SLC23A3: variants seen among roughly 807,000 people sequenced by gnomAD.
The protein encoded by SLC23A3 is solute carrier family 23 member 3.
In SLC23A3, 41 loss-of-function variants were observed where a neutral mutation model predicts 64.7. The observed-to-expected ratio is 0.63, with a 90% CI of 0.49 to 0.82. The LOEUF is 0.82. Among genes scored for constraint, SLC23A3 ranks in the 40% least tolerant of loss-of-function variants. SLC23A3 has a pLI of 0.00. For missense variants in SLC23A3, 647 were observed against 733.4 expected, an observed-to-expected ratio of 0.88 and a Z score of 1.36; for synonymous variants, 281 against 306.8, an observed-to-expected ratio of 0.92 and a Z score of 0.88.
chr2:219,163,326 G>A (rs1949968409), intron 10 of SLC23A3, 62 bp downstream of exon 10: 2 of 1,550,938 alleles, frequency 1.3e-6, no homozygotes, highest in Non-Finnish European at 1.8e-6. Context: ...CAGGAGTCCG[G>A]GCAGCCTGAA....
chr2:219,168,128 G>A, intron 6 of SLC23A3, 67 bp downstream of exon 6: 1 of 1,584,512 alleles, frequency 6.3e-7, no homozygotes, highest in Non-Finnish European at 8.6e-7. Context: ...CCAAAAGGTA[G>A]GGGATGGAGT....
chr2:219,164,093 C>T (rs1949978817), intron 9 of SLC23A3, 140 bp downstream of exon 9: 1 of 640,656 alleles, frequency 1.6e-6, no homozygotes, highest in East Asian at 2.8e-5. Context: ...GACACATGCT[C>T]ATATCCATCC....
In SLC23A3 at chr2:219,163,442, T is replaced by C. The variant is rs747541927; in HGVS notation, c.1387A>G (p.Met463Val). 1.9e-6 allele frequency: 3 copies of C among 1,614,096 alleles called. No homozygotes were observed. The highest frequency in any genetic ancestry group is 1.1e-5 in the South Asian group (1 of 91,080). The change falls in exon 10 of 12, where the codon ATG becomes GTG. Residue 463 changes from methionine (M) to valine (V), a missense_variant. Coordinates refer to ENST00000409878, the MANE Select transcript of SLC23A3 (RefSeq NM_001144889.2). ...NIFIVGFSIFMALLLPRWFRE... is the reference protein window; with the variant it reads ...NIFIVGFSIFVALLLPRWFRE... ...AACCATCTTGGCAGCAGCAAGGCCA[T>C]GAAGATGGAGAAGCCCACAATGAAG...
rs866809363 is a variant in SLC23A3 at position 219,161,568 on chromosome 2, C to A, written c.*341G>T. The A allele has an allele frequency of 4.9e-6, 1 of 204,456 alleles. No individual in the cohort carries two copies. Among genetic ancestry groups the A allele is most frequent in the African/African-American group, 2.3e-5 (1 of 43,630 alleles). The allele number at this position is 204,456 out of a possible 1,614,324, so 12.7% of individuals were successfully genotyped here. ...TTTTTAAACCGTAAATGCCTTGAGA[C>A]GGCATGGACCCTGTCTTATCCCTGT... On this transcript the variant is annotated 3_prime_UTR_variant, in exon 12 of 12. Transcript: ENST00000409878.
Position 219,168,735 on chromosome 2 carries a change from C to T in SLC23A3, c.591G>A (p.Leu197=), listed in dbSNP as rs1421631268. Residue 197 remains leucine, a synonymous_variant, in exon 5 of 12, where the codon CTG becomes CTA. Coordinates refer to ENST00000409878, the MANE Select transcript of SLC23A3 (RefSeq NM_001144889.2). ...HVFPHCGPLV[L]APSLVVAGLS... ...GCCCTGCCACAACCAGGCTGGGAGC[C>T]AGCACCAGGGGCCCACAGTGGGGGA... The T allele has an allele frequency of 6.2e-7, 1 of 1,613,586 alleles. No individual in the cohort carries two copies. Among genetic ancestry groups the T allele is most frequent in the East Asian group, 2.2e-5 (1 of 44,868 alleles).
intron 5 of SLC23A3, 104 bp from the exon 6 acceptor site, chr2:219,168,422 G>T: frequency 2.2e-6 from 3 of 1,363,396 alleles, no homozygotes; most frequent in Admixed American, 2.7e-5. Flanking sequence ...GGTGATACCA[G>T]AGAAGGAAAC....
intron 10 of SLC23A3, 83 bp downstream of exon 10, chr2:219,163,305 G>T: frequency 7.4e-7 from 1 of 1,353,142 alleles, no homozygotes; most frequent in Non-Finnish European, 1.0e-6. Context: ...GCCCAGAGAA[G>T]GCTGTGGGGC....
rs1056470635 is a variant in SLC23A3, at chr2:219,169,379, T to C, written c.348A>G (p.Leu116=). 1.2e-6 allele frequency: 2 copies of C among 1,614,024 alleles called. No individual in the cohort carries two copies. Among genetic ancestry groups the C allele is most frequent in the Admixed American group, 1.7e-5 (1 of 60,006 alleles). ...SRLPLVQAPS[L]EFLIPALVLT... ...GCACCAGAGCAGGGATAAGGAACTC[T>C]AAGGATGGAGCCTGGACAAGAGGCA... Residue 116 remains leucine (L), a synonymous_variant, in exon 3 of 12, where the codon TTA becomes TTG. Transcript: ENST00000409878. The surrounding 1 kb of genome is among the most constrained non-coding windows in gnomAD (Gnocchi z 4.5).
At chr2:219,168,570 T>C (rs780955448) in intron 5 of SLC23A3, 82 bp downstream of exon 5, 42 of 1,371,460 alleles carry the variant, frequency 3.1e-5, no homozygotes, top group Non-Finnish European at 4.0e-5. Context: ...CTGAATCTGA[T>C]AGGACCAGCA....
rs1379926169 is a variant in SLC23A3 at position 219,164,344 on chromosome 2, T to G, written c.1168-6A>C. On this transcript the variant is annotated splice_polypyrimidine_tract_variant and splice_region_variant and intron_variant, in intron 8 of 11. Transcript: ENST00000409878. ...GCCACTTGCTGAGATCCAGCCTGCA[T>G]GAAGAAAAGACACTGGAAAACACAG... 7 of 1,576,564 alleles carry G rather than the reference T, an allele frequency of 4.4e-6. No individual in the cohort carries two copies. In the Admixed American group the frequency reaches 1.3e-4, roughly 28 times the overall value.
In SLC23A3 at chr2:219,162,010, C is replaced by G. The variant is rs368867994; in HGVS notation, c.1732G>C (p.Glu578Gln). ...TCTTCTGGCTCAGAGGAGCCTCCTT[C>G]CTCATCCCCAGGGTCTTCAGGCAGT... ...CPLPEDPGDE[E>Q]GGSSEPEEMA... Residue 578 changes from glutamate to glutamine, a missense_variant, in exon 12 of 12, where the codon GAA (glutamate) becomes CAA (glutamine). Glu to Gln is a conservative substitution (Grantham distance 29, BLOSUM62 2). Transcript: ENST00000409878. 112 of 1,614,004 alleles carry G rather than the reference C, an allele frequency of 6.9e-5. No individual in the cohort carries two copies. The highest frequency in any genetic ancestry group is 3.3e-4 in the Middle Eastern group (2 of 6,084).
intron 7 of SLC23A3, 114 bp from the exon 8 acceptor site, chr2:219,165,536 T>G: frequency 7.9e-7 from 1 of 1,266,296 alleles, no homozygotes; most frequent in Non-Finnish European, 1.1e-6. Context: ...GAAGACAATG[T>G]CTTGGGACAA....
At position 219,169,535 on chromosome 2, in the gene SLC23A3, A is replaced by G. The variant is rs1029362350; in HGVS notation, c.306T>C (p.Thr102=). 1.2e-6 allele frequency: 2 copies of G among 1,614,080 alleles called. No individual in the cohort carries two copies. Among genetic ancestry groups the G allele is most frequent in the Admixed American group, 3.3e-5 (2 of 60,004 alleles). ...FSCGMSTILQ[T]WMGSRLPLVQ... ...GTTCCTCTCACCTGCTGCCCATCCA[A>G]GTTTGCAGGATGGTAGACATACCAC... The change falls in exon 2 of 12, where the codon ACT becomes ACC. Residue 102 remains threonine, a synonymous_variant. Transcript: ENST00000409878. This position sits in a 1 kb window ranked among gnomAD's most constrained non-coding sequence, Gnocchi z 4.5.
At chr2:219,168,510 G>A in intron 5 of SLC23A3, 142 bp downstream of exon 5, 1 of 1,124,554 alleles carries the variant, frequency 8.9e-7, no homozygotes, top group Non-Finnish European at 1.2e-6. Flanking sequence ...GATGAATCAA[G>A]GAAAAGTCTT....
In SLC23A3 at chr2:219,169,795, C is replaced by T. The variant is rs770251604; in HGVS notation, c.162+28G>A. 1.2e-6 allele frequency: 2 copies of T among 1,613,310 alleles called. No individual in the cohort carries two copies. Among genetic ancestry groups the T allele is most frequent in the Non-Finnish European group, 1.7e-6 (2 of 1,179,698 alleles). ...CTTCCCCACACACACCATCAGGCAG[C>T]ACCAACTCCTGCACCTCTGCCTCCT... On this transcript the variant is annotated intron_variant, in intron 1 of 11. Coordinates refer to ENST00000409878, the MANE Select transcript of SLC23A3 (RefSeq NM_001144889.2). This position sits in a 1 kb window ranked among gnomAD's most constrained non-coding sequence, Gnocchi z 4.5.
rs1414612971 is a variant in SLC23A3, at chr2:219,164,279, G to A, written c.1227C>T (p.Ser409=). Residue 409 remains serine (S), a synonymous_variant, in exon 9 of 12, where the codon TCC becomes TCT. Transcript: ENST00000409878. The stretch of plus-strand genomic sequence containing the variant: ...TGGTGAGGAGCTGAGCCAACCTGGG[G>A]GAGAGTCCAAGCCCCACGCAGAGTA... ...VGLLCVGLGL[S]PRLAQLLTTI... The A allele has an allele frequency of 6.2e-7, 1 of 1,610,392 alleles. No individual in the cohort carries two copies. The highest frequency in any genetic ancestry group is 2.2e-5 in the East Asian group (1 of 44,676).
chr2:219,162,792 G>A (rs1056754139), intron 10 of SLC23A3, among the ~76,000 whole-genome samples: 3 of 152,110 alleles, frequency 2.0e-5, no homozygotes, highest in African/African-American at 7.2e-5. Flanking sequence ...GTGCAGGGGG[G>A]ATGTCCTGTA....
At chr2:219,162,419 G>A in intron 10 of SLC23A3, 25 bp from the exon 11 acceptor site, 1 of 1,572,662 alleles carries the variant, frequency 6.4e-7, no homozygotes, top group South Asian at 1.1e-5. Context: ...GGCCAGGCAG[G>A]AAGGGAACTC....
chr2:219,165,324 A>C lies in SLC23A3; in HGVS notation c.1012T>G (p.Cys338Gly), dbSNP rs1949994600. ...GGAGGCAAATGCAGCAGCCGGCCAC[A>C]CAGGGCATAGCAGCCCAGGGAACTG... ...STSSLGCYAL[C>G]GRLLHLPPPP... Residue 338 changes from cysteine (C) to glycine (G), a missense_variant, in exon 8 of 12, where the codon TGT becomes GGT. Cys to Gly is a radical substitution (Grantham distance 159). Transcript: ENST00000409878. The C allele has an allele frequency of 6.4e-7, 1 of 1,551,456 alleles. No individual in the cohort carries two copies. The highest frequency in any genetic ancestry group is 2.0e-5 in the Admixed American group (1 of 50,988).
Sources: gnomAD v4.1 joint callset for allele counts (sites outside exome capture counted in the v4.1 genomes callset) on GRCh38, gnomAD v4.1.1 for gene constraint, Gnocchi (gnomAD v3.1) non-coding constraint, MANE v1.5 for transcripts, NCBI Gene and HGNC (gene_info 2026-07-23, HGNC 2026-07-21) for gene names.